The following CSGALNACT1 variants were observed in gnomAD, a reference collection of about 807,000 sequenced individuals.
The protein encoded by CSGALNACT1 is beta4GalNAcT-1.
A neutral mutation model predicts 51.0 loss-of-function variants in CSGALNACT1; 52 were observed. The observed-to-expected ratio is 1.02, with a 90% CI of 0.82 to 1.29. The LOEUF is 1.29. CSGALNACT1 is among the 50% of genes most tolerant of loss of function. CSGALNACT1 has a pLI of 0.00. For missense variants in CSGALNACT1, 935 were observed against 679.2 expected (o/e 1.38, Z -4.19); for synonymous variants, 341 against 254.4 (o/e 1.34, Z -3.24).
chr8:19,586,180 T>G (rs1260117970), intron 3 of CSGALNACT1, among the ~76,000 whole-genome samples: 1 of 151,986 alleles, frequency 6.6e-6, no homozygotes, highest in African/African-American at 2.4e-5. Flanking sequence ...CTGGCCAACA[T>G]AGCAAAACCC....
At chr8:19,645,616 C>T (rs143205446) in intron 1 of CSGALNACT1, among the ~76,000 whole-genome samples, 15 of 152,324 alleles carry the variant, frequency 9.8e-5, no homozygotes, top group Admixed American at 1.3e-4. Flanking sequence ...TGGTTCAAAG[C>T]GCAGCTTGCC....
chr8:19,567,160 C>T (rs1388246856), intron 3 of CSGALNACT1, among the ~76,000 whole-genome samples: 2 of 152,154 alleles, frequency 1.3e-5, no homozygotes, highest in African/African-American at 4.8e-5. Flanking sequence ...CAAGCCTAGA[C>T]CTGATGGAGT....
chr8:19,699,470 A>C (rs942127194), intron 1 of CSGALNACT1, among the ~76,000 whole-genome samples: 4 of 152,250 alleles, frequency 2.6e-5, no homozygotes, highest in Non-Finnish European at 4.4e-5. Context: ...AAGGAAGGAA[A>C]TTTGGAAACA....
At chr8:19,462,470 C>T (rs912371111) in intron 4 of CSGALNACT1, among the ~76,000 whole-genome samples, 1 of 152,094 alleles carries the variant, frequency 6.6e-6, no homozygotes, top group Non-Finnish European at 1.5e-5. Context: ...AAGAGATGGA[C>T]ATCTATTTAT....
chr8:19,629,415 T>C (rs918830513), intron 1 of CSGALNACT1, among the ~76,000 whole-genome samples: 1 of 152,206 alleles, frequency 6.6e-6, no homozygotes, highest in African/African-American at 2.4e-5. Flanking sequence ...TGAATCCTCG[T>C]AGGTAACTAT....
At chr8:19,721,436 C>T (rs2063123344) in intron 1 of CSGALNACT1, among the ~76,000 whole-genome samples, 2 of 152,206 alleles carry the variant, frequency 1.3e-5, no homozygotes, top group South Asian at 4.1e-4. Flanking sequence ...CAGACAACAA[C>T]ACATGAGACA....
At chr8:19,746,525 C>T (rs1389686524) in intron 1 of CSGALNACT1, among the ~76,000 whole-genome samples, 3 of 152,232 alleles carry the variant, frequency 2.0e-5, no homozygotes, top group Non-Finnish European at 4.4e-5. Context: ...CACTTAGCCT[C>T]TCTGAGCCTC....
chr8:19,434,836 T>G (rs2060137059), intron 6 of CSGALNACT1, among the ~76,000 whole-genome samples: 1 of 149,398 alleles, frequency 6.7e-6, no homozygotes, highest in Admixed American at 6.6e-5. Flanking sequence ...AATCCTTGTT[T>G]AAGAAAAAAA....
intron 9 of CSGALNACT1, among the ~76,000 whole-genome samples, chr8:19,406,671 C>G (rs985673295): frequency 1.1e-4 from 16 of 141,872 alleles, no homozygotes; most frequent in African/African-American, 4.1e-4. Flanking sequence ...ACCATCCCCA[C>G]TTTTCAGCTT....
chr8:19,608,749 T>G (rs936353669), intron 1 of CSGALNACT1, among the ~76,000 whole-genome samples: 4 of 152,230 alleles, frequency 2.6e-5, no homozygotes, highest in African/African-American at 9.6e-5. Flanking sequence ...TCTGTATTTC[T>G]GGCACTGAGG....
chr8:19,496,477 G>A lies in CSGALNACT1; in HGVS notation c.634+8724C>T, dbSNP rs140618125. ...AGACGTTATTCATTTGTAGAGCAGT[G>A]TAAGTAGACAAACTAATCAATAGGT... is the stretch of plus-strand genomic sequence containing the variant. On this transcript the variant is annotated intron_variant, in intron 4 of 9. Transcript: ENST00000454498. 9.3e-3 allele frequency among the ~76,000 whole-genome samples: 1,420 copies of A among 152,308 alleles called. 13 individuals carry two copies. The highest frequency in any genetic ancestry group is 0.041 in the South Asian group (196 of 4,828).
intron 4 of CSGALNACT1, among the ~76,000 whole-genome samples, chr8:19,460,937 G>C (rs1181704657): frequency 6.6e-6 from 1 of 152,104 alleles, no homozygotes. Flanking sequence ...GAGTTTCCAA[G>C]GTAGTCTCGT....
chr8:19,505,258 T>C lies in CSGALNACT1; in HGVS notation c.577A>G (p.Ser193Gly), dbSNP rs571781433. 8 of 1,614,184 alleles carry C rather than the reference T, an allele frequency of 5.0e-6. No individual in the cohort carries two copies. In the South Asian group the frequency reaches 7.7e-5, roughly 16 times the overall value. The change falls in exon 4 of 10, where the codon AGT (serine) becomes GGT (glycine). Residue 193 changes from serine to glycine, a missense_variant. By Grantham distance (56) the Ser-to-Gly change is moderately conservative. Coordinates refer to ENST00000454498, the Ensembl canonical transcript of CSGALNACT1. ...TGATTGGGGCTGTTCTCTGCAGGAC[T>C]GTTCAGGGTCTCCAAGGCTGATTCA...
At chr8:19,754,229 T>G (rs1447173016) in intron 1 of CSGALNACT1, among the ~76,000 whole-genome samples, 4 of 152,170 alleles carry the variant, frequency 2.6e-5, no homozygotes, top group African/African-American at 9.7e-5. Context: ...GGTTTCGCCC[T>G]GTTGGCCAGG....
chr8:19,725,258 G>A (rs899107622), intron 1 of CSGALNACT1, among the ~76,000 whole-genome samples: 2 of 152,182 alleles, frequency 1.3e-5, no homozygotes, highest in African/African-American at 2.4e-5. Flanking sequence ...CTAAAGAGAT[G>A]GCTGAGTTTT....
At chr8:19,654,579 C>T (rs1397358635) in intron 1 of CSGALNACT1, among the ~76,000 whole-genome samples, 9 of 152,110 alleles carry the variant, frequency 5.9e-5, no homozygotes, top group Admixed American at 4.6e-4. Context: ...GGGTTTTGCT[C>T]TATAACTCAG....
chr8:19,644,789 T>A (rs918913672), intron 1 of CSGALNACT1, among the ~76,000 whole-genome samples: 2 of 148,594 alleles, frequency 1.3e-5, no homozygotes, highest in Non-Finnish European at 3.0e-5. Context: ...TAAACCAGAA[T>A]TACAGAACTA....
At chr8:19,550,059 C>T (rs1263150666) in intron 3 of CSGALNACT1, among the ~76,000 whole-genome samples, 1 of 152,118 alleles carries the variant, frequency 6.6e-6, no homozygotes, top group Non-Finnish European at 1.5e-5. Flanking sequence ...TGTACTCTTT[C>T]CACATGGAAA....
chr8:19,731,979 T>C (rs1020804659), intron 1 of CSGALNACT1, among the ~76,000 whole-genome samples: 1 of 152,248 alleles, frequency 6.6e-6, no homozygotes, highest in Admixed American at 6.5e-5. Flanking sequence ...TTGATCTGCA[T>C]AATGAGTTGA....
Sources: allele counts gnomAD v4.1 joint callset (sites outside exome capture counted in the v4.1 genomes callset), GRCh38; gene constraint gnomAD v4.1.1; transcripts MANE v1.5; gene names NCBI Gene and HGNC (gene_info 2026-07-23, HGNC 2026-07-21).